MAPRE2: variants seen among roughly 807,000 people sequenced by gnomAD.
The protein encoded by MAPRE2 is microtubule-associated protein RP/EB family member 2.
In MAPRE2, 13 loss-of-function variants were observed where a neutral mutation model predicts 43.2. That is an observed-to-expected ratio of 0.30 (90% CI 0.20 to 0.48). The LOEUF (loss-of-function observed/expected upper bound fraction) is 0.48, where lower values mean the gene tolerates loss of function less well. Ranked by LOEUF, MAPRE2 falls within the 20% of genes least tolerant of loss-of-function variation. The pLI, the probability that MAPRE2 is intolerant of heterozygous loss-of-function variation, is 0.99. For missense variants in MAPRE2, 161 were observed against 400.2 expected (o/e 0.40, Z 5.10); for synonymous variants, 135 against 148.8 (o/e 0.91, Z 0.68).
chr18:35,015,632 C>CTGTGTGTGTG (rs2097037667), intron 2 of MAPRE2, among the ~76,000 whole-genome samples: 2 of 78,072 alleles, frequency 2.6e-5, no homozygotes, highest in African/African-American at 1.3e-4. Context: ...ATAGGGATGG[C>CTGTGTGTGTG]AGTGTGTGTG....
upstream of MAPRE2, among the ~76,000 whole-genome samples, chr18:35,038,276 AC>A (rs1364969930): frequency 1.3e-5 from 2 of 152,206 alleles, no homozygotes; most frequent in Non-Finnish European, 2.9e-5. Context: ...TACAGGACGG[AC>A]AGAAACTTCT....
rs532591999 is a variant in MAPRE2, at chr18:35,117,262, A to C, written c.611-9686A>C. Among the ~76,000 whole-genome samples, 6 of 152,310 alleles carry C rather than the reference A, an allele frequency of 3.9e-5. No homozygotes were observed. The South Asian group carries it at 1.2e-3, about 32-fold the overall frequency. On this transcript the variant is annotated intron_variant, in intron 4 of 6. Coordinates refer to ENST00000300249, the MANE Select transcript of MAPRE2 (RefSeq NM_014268.4). ...CTGGTGAGCATGGGGCTCACCGCGG[A>C]GTTCTCCCTTCCCTGAGCTCCAGCC...
intron 2 of MAPRE2, among the ~76,000 whole-genome samples, chr18:35,018,057 T>C (rs2097039557): frequency 6.6e-6 from 1 of 152,068 alleles, no homozygotes; most frequent in Non-Finnish European, 1.5e-5. Flanking sequence ...TCTACATCTA[T>C]TGAGATGATC....
intron 1 of MAPRE2, among the ~76,000 whole-genome samples, chr18:35,046,278 C>T (rs1022789772): frequency 1.3e-5 from 2 of 152,144 alleles, no homozygotes; most frequent in Admixed American, 6.5e-5. Context: ...TAGTAAAGTC[C>T]GATGGAAAAC....
chr18:34,985,513 A>ATGTATTG lies in MAPRE2; in HGVS notation c.-70+8435_-70+8436insGTATTGT, dbSNP rs2097020046. ...TTGTATATTATATAATATATAATAT[A>ATGTATTG]TATATTATATATTATAAATATAATA... On this transcript the variant is annotated intron_variant, in intron 1 of 7. Transcript: ENST00000413393. 4.8e-5 allele frequency among the ~76,000 whole-genome samples: 3 copies of ATGTATTG among 62,568 alleles called. 1 individual carries two copies. Among genetic ancestry groups the ATGTATTG allele is most frequent in the African/African-American group, 2.1e-4 (3 of 13,990 alleles). 41.0% of individuals were successfully genotyped at this position (62,568 alleles called of 152,430 possible). A position where few individuals can be genotyped will look rare whatever the true frequency, so the allele number is the denominator to read the frequency against.
chr18:35,005,429 C>A, intron 1 of MAPRE2: 1 of 1,035,876 alleles, frequency 9.7e-7, no homozygotes, highest in Admixed American at 2.4e-5. Flanking sequence ...TAACTCTTTG[C>A]TTCCATATTT....
chr18:35,033,651 C>A (rs1444358136), intron 2 of MAPRE2, among the ~76,000 whole-genome samples: 3 of 149,654 alleles, frequency 2.0e-5, no homozygotes, highest in African/African-American at 7.3e-5. Flanking sequence ...AGCTGATAAG[C>A]AACTTCAGCA....
intron 2 of MAPRE2, among the ~76,000 whole-genome samples, chr18:35,086,025 T>C (rs1434822851): frequency 1.3e-5 from 2 of 152,208 alleles, no homozygotes; most frequent in Non-Finnish European, 2.9e-5. Flanking sequence ...TTGTTGTGCT[T>C]TTCTTCTAAC....
chr18:35,033,449 C>T (rs1263302028), intron 2 of MAPRE2, among the ~76,000 whole-genome samples: 1 of 149,364 alleles, frequency 6.7e-6, no homozygotes. Flanking sequence ...TGAAAACTGG[C>T]ACAAGACAGG....
intron 5 of MAPRE2, among the ~76,000 whole-genome samples, chr18:35,131,739 G>A (rs1483911578): frequency 1.3e-5 from 2 of 152,158 alleles, no homozygotes; most frequent in East Asian, 1.9e-4. Flanking sequence ...AGCAGGAGAC[G>A]AAAGCTCACT....
intron 1 of MAPRE2, among the ~76,000 whole-genome samples, chr18:35,045,212 T>G (rs571716055): frequency 6.6e-6 from 1 of 152,348 alleles, no homozygotes; most frequent in Middle Eastern, 3.4e-3. Flanking sequence ...TGACACTGTT[T>G]AATTCACAGA....
intron 2 of MAPRE2, among the ~76,000 whole-genome samples, chr18:35,026,039 A>G (rs1381764493): frequency 2.6e-5 from 4 of 152,156 alleles, no homozygotes; most frequent in Admixed American, 2.0e-4. Flanking sequence ...ACTTCTAAAA[A>G]TGAAAGGAGG....
intron 2 of MAPRE2, among the ~76,000 whole-genome samples, chr18:35,080,236 CTTTA>C (rs1907566114): frequency 6.6e-6 from 1 of 152,156 alleles, no homozygotes; most frequent in Non-Finnish European, 1.5e-5. Flanking sequence ...CTACACATTG[CTTTA>C]TTTATTCCTG....
intron 4 of MAPRE2, among the ~76,000 whole-genome samples, chr18:35,107,969 A>G (rs1908985497): frequency 6.6e-6 from 1 of 151,440 alleles, no homozygotes; most frequent in Admixed American, 6.6e-5. Flanking sequence ...TGTATTTACG[A>G]GTGTTAAGTC....
At chr18:35,136,868 A>G (rs573721631) in intron 6 of MAPRE2, among the ~76,000 whole-genome samples, 81 of 152,364 alleles carry the variant, frequency 5.3e-4, no homozygotes, top group African/African-American at 1.6e-3. Context: ...TTTTCTTACA[A>G]TCACTCACAG....
At chr18:35,089,662 A>G (rs1398174701) in intron 2 of MAPRE2, among the ~76,000 whole-genome samples, 2 of 152,244 alleles carry the variant, frequency 1.3e-5, no homozygotes, top group African/African-American at 4.8e-5. Context: ...GTGGTGATGA[A>G]GATGTGGAGC....
At chr18:35,071,855 C>T (rs1907131472) in intron 2 of MAPRE2, among the ~76,000 whole-genome samples, 1 of 152,186 alleles carries the variant, frequency 6.6e-6, no homozygotes, top group South Asian at 2.1e-4. Context: ...GTAAGGTTGG[C>T]CAGAACTTAG....
chr18:35,024,961 T>C (rs2097044238), intron 2 of MAPRE2, among the ~76,000 whole-genome samples: 1 of 152,172 alleles, frequency 6.6e-6, no homozygotes, highest in African/African-American at 2.4e-5. Flanking sequence ...TAGAATTATA[T>C]AATTGGGAAA....
intron 1 of MAPRE2, among the ~76,000 whole-genome samples, chr18:34,998,772 A>ATTTTATTTTTTTTTTT: frequency 1.1e-5 from 1 of 93,726 alleles, no homozygotes; most frequent in African/African-American, 5.0e-5. Context: ...CGAAGTTGCA[A>ATTTTATTTTTTTTTTT]TTTTTTTTTT....
Sources: gnomAD v4.1 joint callset for allele counts (sites outside exome capture counted in the v4.1 genomes callset) on GRCh38, gnomAD v4.1.1 for gene constraint, MANE v1.5 for transcripts, NCBI Gene and HGNC (gene_info 2026-07-23, HGNC 2026-07-21) for gene names.